SUGCT: variants seen among roughly 807,000 people sequenced by gnomAD.
The protein encoded by SUGCT is succinyl-CoA:glutarate CoA-transferase.
In SUGCT, 41 loss-of-function variants were observed where a neutral mutation model predicts 55.0. The observed-to-expected ratio is 0.74, with a 90% confidence interval of 0.58 to 0.97. The LOEUF (loss-of-function observed/expected upper bound fraction) is 0.97, where lower values mean the gene tolerates loss of function less well. SUGCT is among the 50% of genes least tolerant of loss of function. The pLI, the probability that SUGCT is intolerant of heterozygous loss-of-function variation, is 0.00. For missense variants in SUGCT, 568 were observed against 547.8 expected, an observed-to-expected ratio of 1.04 and a Z score of -0.37; for synonymous variants, 187 against 200.4, an observed-to-expected ratio of 0.93 and a Z score of 0.56.
intron 10 of SUGCT, among the ~76,000 whole-genome samples, chr7:40,452,843 C>T (rs1004808374): frequency 3.3e-5 from 5 of 152,046 alleles, no homozygotes; most frequent in Admixed American, 6.5e-5. Context: ...ACCCCGAGCA[C>T]GGTGATCATA....
chr7:40,297,612 C>T (rs569189775), intron 8 of SUGCT, among the ~76,000 whole-genome samples: 50 of 152,256 alleles, frequency 3.3e-4, no homozygotes, highest in Middle Eastern at 6.8e-3. Context: ...GACGTCCAGA[C>T]CTTTAGCATT....
intron 12 of SUGCT, among the ~76,000 whole-genome samples, chr7:40,535,232 G>T (rs1794296897): frequency 6.6e-6 from 1 of 152,050 alleles, no homozygotes; most frequent in South Asian, 2.1e-4. Context: ...GTGATGCTGA[G>T]GTTTGGGTTA....
intron 9 of SUGCT, among the ~76,000 whole-genome samples, chr7:40,377,187 T>TTTCC (rs1784613022): frequency 7.9e-5 from 1 of 12,658 alleles, no homozygotes; most frequent in African/African-American, 1.0e-4. Context: ...TCTTTCTTTC[T>TTTCC]TTCTTTCTTT....
intron 7 of SUGCT, among the ~76,000 whole-genome samples, chr7:40,255,332 G>A (rs182010085): frequency 7.8e-4 from 119 of 151,684 alleles, no homozygotes; most frequent in African/African-American, 2.8e-3. Flanking sequence ...GGCAAGAGAC[G>A]GTTTATTTTT....
At chr7:40,145,941 C>T (rs1247704479) in intron 1 of SUGCT, among the ~76,000 whole-genome samples, 1 of 152,226 alleles carries the variant, frequency 6.6e-6, no homozygotes, top group Non-Finnish European at 1.5e-5. Flanking sequence ...GGGAGTTCCT[C>T]CAAGGTCTGG....
At chr7:40,658,216 G>A (rs1801122873) in intron 12 of SUGCT, among the ~76,000 whole-genome samples, 1 of 152,128 alleles carries the variant, frequency 6.6e-6, no homozygotes, top group Non-Finnish European at 1.5e-5. Context: ...TTACAAGTCA[G>A]CATGAATATA....
the SUGCT span, among the ~76,000 whole-genome samples, chr7:40,929,489 G>A: frequency 1.3e-5 from 2 of 152,186 alleles, no homozygotes; most frequent in African/African-American, 4.8e-5. Context: ...GATCCTTGAG[G>A]AATCGCCTCA....
intron 13 of SUGCT, among the ~76,000 whole-genome samples, chr7:40,760,928 A>G (rs1001080714): frequency 1.3e-5 from 2 of 152,266 alleles, no homozygotes; most frequent in African/African-American, 4.8e-5. Context: ...GTGGAAACAC[A>G]GTATAGATAG....
chr7:40,179,013 A>T (rs576421744), intron 1 of SUGCT, among the ~76,000 whole-genome samples: 1 of 151,950 alleles, frequency 6.6e-6, no homozygotes, highest in South Asian at 2.1e-4. Context: ...TCCTTCTATC[A>T]TATTTTTAAG....
the SUGCT span, among the ~76,000 whole-genome samples, chr7:40,902,298 G>T: frequency 6.6e-6 from 1 of 152,096 alleles, no homozygotes; most frequent in Admixed American, 6.5e-5. Flanking sequence ...ATCAAAACCA[G>T]CCGGGTGTGG....
intron 8 of SUGCT, among the ~76,000 whole-genome samples, chr7:40,303,157 C>T (rs575183519): frequency 1.8e-4 from 27 of 152,080 alleles, no homozygotes; most frequent in African/African-American, 6.5e-4. Flanking sequence ...TCTCAGCCTC[C>T]CGAGTAGCTG....
At chr7:40,753,455 A>G (rs981978449) in intron 13 of SUGCT, among the ~76,000 whole-genome samples, 16 of 152,218 alleles carry the variant, frequency 1.1e-4, no homozygotes, top group South Asian at 2.1e-4. Context: ...ACACATACAT[A>G]TCCACATCTT....
intron 12 of SUGCT, among the ~76,000 whole-genome samples, chr7:40,658,231 G>A (rs1315848244): frequency 2.6e-5 from 4 of 152,126 alleles, no homozygotes; most frequent in Non-Finnish European, 5.9e-5. Flanking sequence ...AATATATGAT[G>A]TATAACCTCG....
At chr7:40,804,787 CTG>C (rs1313705157) in intron 13 of SUGCT, among the ~76,000 whole-genome samples, 1 of 152,136 alleles carries the variant, frequency 6.6e-6, no homozygotes, top group African/African-American at 2.4e-5. Flanking sequence ...TTAAAATGCA[CTG>C]TGTTTCTACT....
chr7:40,265,365 T>C (rs1424139363), intron 7 of SUGCT, among the ~76,000 whole-genome samples: 1 of 152,198 alleles, frequency 6.6e-6, no homozygotes, highest in Non-Finnish European at 1.5e-5. Flanking sequence ...ATTGAACATA[T>C]GCCCAAATTG....
intron 1 of SUGCT, among the ~76,000 whole-genome samples, chr7:40,144,294 A>T (rs1334338293): frequency 6.6e-6 from 1 of 152,240 alleles, no homozygotes; most frequent in East Asian, 1.9e-4. Flanking sequence ...TGACTTGGTT[A>T]TGTTAATAAC....
chr7:40,460,923 A>T (rs751213682), intron 11 of SUGCT, among the ~76,000 whole-genome samples: 1 of 152,172 alleles, frequency 6.6e-6, no homozygotes, highest in Non-Finnish European at 1.5e-5. Context: ...TAGTCCTAGG[A>T]GAGGAAATTT....
intron 12 of SUGCT, among the ~76,000 whole-genome samples, chr7:40,709,667 A>C (rs570135505): frequency 6.6e-6 from 1 of 152,352 alleles, no homozygotes; most frequent in South Asian, 2.1e-4. Flanking sequence ...AAGCAGCCAG[A>C]GTACAAGTGC....
Position 40,772,578 on chromosome 7 carries a change from GCTATCTATCTATCTATCTATCTAT to G in SUGCT, c.1153+23112_1153+23135del, listed in dbSNP as rs70990645. 5.8e-5 allele frequency among the ~76,000 whole-genome samples: 6 copies of G among 103,980 alleles called. No homozygotes were observed. The South Asian group carries it at 1.4e-3, about 24-fold the overall frequency. 68.2% of individuals were successfully genotyped at this position (103,980 alleles called of 152,430 possible). A position where few individuals can be genotyped will look rare whatever the true frequency, so the allele number is the denominator to read the frequency against. ...TCTATCTATCTGGTGTTATCTATCTGCTATCTATCTATCTATCTATCTATCTATCTATCTATCTATCTATCTATC... is the reference window on the plus strand; with the variant it reads ...TCTATCTATCTGGTGTTATCTATCTGCTATCTATCTATCTATCTATCTATC... On this transcript the variant is annotated intron_variant, in intron 13 of 13. Coordinates refer to ENST00000335693, the MANE Select transcript of SUGCT (RefSeq NM_001193313.2).
Sources: allele counts gnomAD v4.1 joint callset (sites outside exome capture counted in the v4.1 genomes callset), GRCh38; gene constraint gnomAD v4.1.1; transcripts MANE v1.5; gene names NCBI Gene and HGNC (gene_info 2026-07-23, HGNC 2026-07-21).